DLG1: variants seen among roughly 807,000 people sequenced by gnomAD.
DLG1 encodes the protein disks large homolog 1.
Under a neutral mutation model 123.4 loss-of-function variants are expected in DLG1, and 42 were observed. That is an observed-to-expected ratio of 0.34 (90% CI 0.27 to 0.44). The LOEUF (loss-of-function observed/expected upper bound fraction) is 0.44. Among genes scored for constraint, DLG1 ranks in the 20% least tolerant of loss-of-function variants. DLG1 has a pLI of 1.00. For synonymous variants in DLG1, 317 were observed against 356.2 expected (o/e 0.89, Z 1.24); for missense variants, 942 against 1,082.6 (o/e 0.87, Z 1.82).
intron 4 of DLG1, among the ~76,000 whole-genome samples, chr3:197,276,388 G>A (rs1458832100): frequency 6.6e-6 from 1 of 152,178 alleles, no homozygotes; most frequent in Non-Finnish European, 1.5e-5. Flanking sequence ...TTGCACTACT[G>A]TATTCTCCCT....
At chr3:197,278,657 A>T (rs1767715409) in intron 4 of DLG1, among the ~76,000 whole-genome samples, 1 of 152,106 alleles carries the variant, frequency 6.6e-6, no homozygotes, top group African/African-American at 2.4e-5. Flanking sequence ...AATTTACTAC[A>T]TCAGAAGAAA....
intron 5 of DLG1, among the ~76,000 whole-genome samples, chr3:197,184,775 A>G (rs966427067): frequency 9.2e-5 from 14 of 152,244 alleles, no homozygotes; most frequent in African/African-American, 3.4e-4. Context: ...AATCAGTGAA[A>G]TGTGTTTTAT....
At chr3:197,224,987 C>T (rs571538270) in intron 4 of DLG1, among the ~76,000 whole-genome samples, 3 of 152,236 alleles carry the variant, frequency 2.0e-5, no homozygotes, top group East Asian at 1.9e-4. Context: ...GATGGAGTCT[C>T]GCTCTGTGGC....
intron 4 of DLG1, among the ~76,000 whole-genome samples, chr3:197,243,708 A>G (rs1750153773): frequency 6.6e-6 from 1 of 152,190 alleles, no homozygotes; most frequent in South Asian, 2.1e-4. Flanking sequence ...CATTCCTAGT[A>G]TAACTGACAA....
At chr3:197,283,867 T>G (rs1030855692) in intron 3 of DLG1, among the ~76,000 whole-genome samples, 8 of 149,104 alleles carry the variant, frequency 5.4e-5, no homozygotes, top group Non-Finnish European at 1.0e-4. Context: ...TTGTTTTTTT[T>G]TTTTTTTTTT....
At chr3:197,208,270 G>GAC (rs1347531888) in intron 4 of DLG1, among the ~76,000 whole-genome samples, 1 of 146,632 alleles carries the variant, frequency 6.8e-6, no homozygotes, top group African/African-American at 2.4e-5. Flanking sequence ...TACTGATGAG[G>GAC]ACATAGGAAA....
At chr3:197,236,526 T>C (rs1250166128) in intron 4 of DLG1, among the ~76,000 whole-genome samples, 1 of 152,166 alleles carries the variant, frequency 6.6e-6, no homozygotes, top group African/African-American at 2.4e-5. Context: ...AAATGATCAT[T>C]TGGCTGGCCC....
At chr3:197,199,827 T>A (rs2150314643) in intron 4 of DLG1, among the ~76,000 whole-genome samples, 1 of 152,280 alleles carries the variant, frequency 6.6e-6, no homozygotes, top group African/African-American at 2.4e-5. Flanking sequence ...CTAAGGATGG[T>A]CCAAGTCTAA....
At chr3:197,232,322 C>G (rs1743599354) in intron 4 of DLG1, among the ~76,000 whole-genome samples, 1 of 148,148 alleles carries the variant, frequency 6.8e-6, no homozygotes, top group Non-Finnish European at 1.5e-5. Context: ...TATGATCACG[C>G]CACTGTACTC....
At chr3:197,141,040 A>C (rs557891934) in intron 7 of DLG1, among the ~76,000 whole-genome samples, 5 of 152,328 alleles carry the variant, frequency 3.3e-5, no homozygotes, top group Non-Finnish European at 7.4e-5. Context: ...GATTTAACCA[A>C]TGGTATTAAA....
intron 5 of DLG1, among the ~76,000 whole-genome samples, chr3:197,165,920 T>C (rs1047844323): frequency 2.0e-5 from 3 of 152,208 alleles, no homozygotes; most frequent in African/African-American, 7.2e-5. Flanking sequence ...GATGATATGG[T>C]AGAGTATCAT....
At chr3:197,247,456 G>A (rs1307921082) in intron 4 of DLG1, among the ~76,000 whole-genome samples, 2 of 152,070 alleles carry the variant, frequency 1.3e-5, no homozygotes, top group Non-Finnish European at 2.9e-5. Context: ...CTGGTTTCTG[G>A]CTTGCCCCCT....
At chr3:197,183,012 C>T (rs1713358250) in intron 5 of DLG1, among the ~76,000 whole-genome samples, 1 of 151,932 alleles carries the variant, frequency 6.6e-6, no homozygotes, top group African/African-American at 2.4e-5. Context: ...TCAAATTAAG[C>T]TAGATAAATA....
intron 14 of DLG1, among the ~76,000 whole-genome samples, chr3:197,103,435 T>G (rs1764620307): frequency 6.6e-6 from 1 of 152,098 alleles, no homozygotes; most frequent in African/African-American, 2.4e-5. Context: ...GTAACTCGGC[T>G]TCCATATAGT....
chr3:197,059,903 G>A lies in DLG1; in HGVS notation c.2469C>T (p.Ser823=), dbSNP rs1416644386. 1.2e-6 allele frequency: 2 copies of A among 1,611,546 alleles called. No homozygotes were observed. Among genetic ancestry groups the A allele is most frequent in the East Asian group, 4.5e-5 (2 of 44,772 alleles). The change falls in exon 23 of 25, where the codon TCC becomes TCT. Residue 823 remains serine (S), a synonymous_variant. Transcript: ENST00000667157. The part of the protein sequence containing the change: ...YPISIFIKPK[S]MENIMEMNKR... ...TTTACACTTACATGATATTTTCCAT[G>A]GATTTGGGTTTAATAAAAATGGAGA...
intron 22 of DLG1, among the ~76,000 whole-genome samples, chr3:197,060,350 C>G (rs1734936220): frequency 1.3e-5 from 2 of 152,068 alleles, no homozygotes; most frequent in Admixed American, 6.5e-5. Context: ...CCAGGCTGGT[C>G]TTGAACTCCT....
chr3:197,286,908 A>C (rs1402707349), intron 3 of DLG1, among the ~76,000 whole-genome samples: 1 of 151,092 alleles, frequency 6.6e-6, no homozygotes, highest in East Asian at 1.9e-4. Flanking sequence ...TTTTTTTTTA[A>C]AGAGACAGAG....
In DLG1 at chr3:197,194,481, A is replaced by G. The variant is rs142567887; in HGVS notation, c.427T>C (p.Ser143Pro). Reference sequence around the variant, plus strand: ...AATCCATGGACATTCTCAATCTCTGATAAGTTCTTCTCTGAGACATGAACC... The same window carrying G: ...AATCCATGGACATTCTCAATCTCTGGTAAGTTCTTCTCTGAGACATGAACC... ...ELVHVSEKNL[S>P]EIENVHGFVS... Residue 143 changes from serine (S) to proline (P), a missense_variant, in exon 5 of 25, where the codon TCA (serine) becomes CCA (proline). Transcript: ENST00000667157. 5.7e-5 allele frequency: 91 copies of G among 1,605,132 alleles called. No homozygotes were observed. In the African/African-American group the frequency reaches 1.1e-3, roughly 19 times the overall value.
chr3:197,276,492 A>T (rs1249569215), intron 4 of DLG1, among the ~76,000 whole-genome samples: 1 of 152,184 alleles, frequency 6.6e-6, no homozygotes, highest in Non-Finnish European at 1.5e-5. Context: ...TGTAATTTGC[A>T]TTTTTAAGTG....
Sources: allele counts gnomAD v4.1 joint callset (sites outside exome capture counted in the v4.1 genomes callset), GRCh38; gene constraint gnomAD v4.1.1; transcripts MANE v1.5; gene names NCBI Gene and HGNC (gene_info 2026-07-23, HGNC 2026-07-21).